ADAMTS18: variants seen among roughly 807,000 people sequenced by gnomAD.
The protein encoded by ADAMTS18 is A disintegrin and metalloproteinase with thrombospondin motifs 18.
ADAMTS18 carries 157 observed loss-of-function variants against 165.9 expected under a neutral mutation model. The ratio of observed to expected loss-of-function variants is 0.95; its 90% CI spans 0.83 to 1.08. The LOEUF (loss-of-function observed/expected upper bound fraction) is 1.08, where lower values mean the gene tolerates loss of function less well. Among genes scored for constraint, ADAMTS18 ranks in the 50% least tolerant of loss-of-function variants. ADAMTS18 has a pLI of 0.00. For missense variants in ADAMTS18, 2,040 were observed against 1,534.0 expected, an observed-to-expected ratio of 1.33 and a Z score of -5.51; for synonymous variants, 782 against 578.2, an observed-to-expected ratio of 1.35 and a Z score of -5.06.
At chr16:77,290,070 G>A (rs1246841651) in intron 21 of ADAMTS18, among the ~76,000 whole-genome samples, 1 of 151,920 alleles carries the variant, frequency 6.6e-6, no homozygotes, top group Admixed American at 6.6e-5. Context: ...ATTTTAAAAA[G>A]TTACTACATT....
intron 3 of ADAMTS18, among the ~76,000 whole-genome samples, chr16:77,378,578 G>T (rs545021861): frequency 6.6e-6 from 1 of 152,014 alleles, no homozygotes; most frequent in South Asian, 2.1e-4. Flanking sequence ...ACCCAAGCAT[G>T]GCGGTGTGAG....
Position 77,434,416 on chromosome 16 carries a change from A to G in ADAMTS18, c.178+2T>C, listed in dbSNP as rs1474254809. 6.4e-7 allele frequency: 1 copy of G among 1,568,460 alleles called. No individual in the cohort carries two copies. The highest frequency in any genetic ancestry group is 8.6e-7 in the Non-Finnish European group (1 of 1,163,428). On this transcript the variant is annotated splice_donor_variant, in intron 2 of 22. Coordinates refer to ENST00000282849, the MANE Select transcript of ADAMTS18 (RefSeq NM_199355.4). LOFTEE classifies it high-confidence loss of function. ...TCTTGGGGATGGGGGGCAAATACGA[A>G]CCATCATTTAATCCGCTGGCGCCGC...
At chr16:77,304,419 C>G (rs1204395370) in intron 16 of ADAMTS18, among the ~76,000 whole-genome samples, 2 of 152,182 alleles carry the variant, frequency 1.3e-5, no homozygotes, top group Non-Finnish European at 2.9e-5. Flanking sequence ...TATAGTCACA[C>G]CACTGCACTC....
intron 19 of ADAMTS18, among the ~76,000 whole-genome samples, chr16:77,294,579 G>A (rs1567458735): frequency 2.0e-5 from 3 of 152,000 alleles, no homozygotes; most frequent in Non-Finnish European, 2.9e-5. Context: ...ATATCTCTTC[G>A]ATGCTTCATT....
At chr16:77,364,026 AC>A in intron 5 of ADAMTS18, 141 bp from the exon 6 acceptor site, 1 of 1,263,336 alleles carries the variant, frequency 7.9e-7, no homozygotes, top group East Asian at 2.4e-5. Context: ...TCAAAACTCA[AC>A]TTAAAAAAAT....
intron 3 of ADAMTS18, among the ~76,000 whole-genome samples, chr16:77,373,860 C>T (rs1326944226): frequency 2.6e-5 from 4 of 152,152 alleles, no homozygotes; most frequent in Non-Finnish European, 5.9e-5. Flanking sequence ...TTATTGCACA[C>T]TCTGTGACAG....
chr16:77,302,885 AAT>A (rs1491098240), intron 16 of ADAMTS18, among the ~76,000 whole-genome samples: 3 of 152,190 alleles, frequency 2.0e-5, no homozygotes, highest in African/African-American at 4.8e-5. Context: ...AAGAAAAAAA[AAT>A]GTGTTTAAGA....
chr16:77,337,908 C>CTTTTTT (rs10679600), intron 11 of ADAMTS18, among the ~76,000 whole-genome samples: 271 of 140,820 alleles, frequency 1.9e-3, no homozygotes, highest in African/African-American at 6.5e-3. Flanking sequence ...CTTTTCTTTT[C>CTTTTTT]TTTTTTTTTT....
At position 77,300,419 on chromosome 16, in the gene ADAMTS18, AT is replaced by A; in HGVS notation, c.2533-16del. 8 of 1,614,016 alleles carry A rather than the reference AT, an allele frequency of 5.0e-6. No individual in the cohort carries two copies. The highest frequency in any genetic ancestry group is 6.8e-6 in the Non-Finnish European group (8 of 1,179,912). Reference sequence around the variant, plus strand: ...TGCATCAGAATCTGGACAGTGTAAGATAAAAATCAGAGATCAAGATACAGGT... The same window carrying A: ...TGCATCAGAATCTGGACAGTGTAAGAAAAAATCAGAGATCAAGATACAGGT... On this transcript the variant is annotated splice_polypyrimidine_tract_variant and intron_variant, in intron 16 of 22. Coordinates refer to ENST00000282849, the MANE Select transcript of ADAMTS18 (RefSeq NM_199355.4).
intron 3 of ADAMTS18, among the ~76,000 whole-genome samples, chr16:77,425,300 T>C (rs1202952242): frequency 1.3e-5 from 2 of 152,032 alleles, no homozygotes; most frequent in Admixed American, 6.6e-5. Context: ...AGTGACAAAA[T>C]TGGATGATGC....
At chr16:77,296,375 G>A (rs558823693) in intron 18 of ADAMTS18, among the ~76,000 whole-genome samples, 10 of 152,168 alleles carry the variant, frequency 6.6e-5, no homozygotes, top group African/African-American at 2.2e-4. Flanking sequence ...TTGCTACTGT[G>A]TAATTTTGCA....
At chr16:77,395,333 GAC>G (rs2057242630) in intron 3 of ADAMTS18, among the ~76,000 whole-genome samples, 1 of 152,144 alleles carries the variant, frequency 6.6e-6, no homozygotes, top group Admixed American at 6.5e-5. Context: ...GCCTGTCAAG[GAC>G]TCTGTTACTT....
At chr16:77,418,905 C>G (rs769071750) in intron 3 of ADAMTS18, among the ~76,000 whole-genome samples, 1 of 152,190 alleles carries the variant, frequency 6.6e-6, no homozygotes, top group African/African-American at 2.4e-5. Context: ...AATCCCGGCA[C>G]TTTGGGAGGT....
chr16:77,409,515 GTAGCTGACTCAA>G (rs1311665511), intron 3 of ADAMTS18, among the ~76,000 whole-genome samples: 1 of 152,164 alleles, frequency 6.6e-6, no homozygotes, highest in Non-Finnish European at 1.5e-5. Flanking sequence ...TCTGCTCGCA[GTAGCTGACTCAA>G]CAGCCAAGGC....
chr16:77,330,103 C>G (rs886712487), intron 12 of ADAMTS18, among the ~76,000 whole-genome samples: 5 of 152,090 alleles, frequency 3.3e-5, no homozygotes, highest in African/African-American at 1.2e-4. Flanking sequence ...TAAAAACACA[C>G]CTGGTGATTC....
intron 22 of ADAMTS18, among the ~76,000 whole-genome samples, chr16:77,285,594 T>C (rs1005464164): frequency 1.3e-5 from 2 of 152,208 alleles, no homozygotes; most frequent in African/African-American, 4.8e-5. Context: ...AAAATTCCTT[T>C]TTATACATCC....
rs773354865 is a variant in ADAMTS18, at chr16:77,325,953, C to T, written c.1945G>A (p.Asp649Asn). 6.2e-7 allele frequency: 1 copy of T among 1,614,052 alleles called. No homozygotes were observed. The change falls in exon 13 of 23, where the codon GAT becomes AAT. Residue 649 changes from aspartate (D) to asparagine (N), a missense_variant. By Grantham distance (23) the Asp-to-Asn change is conservative. Transcript: ENST00000282849. Reference sequence around the variant, plus strand: ...TCTGCACACTGTTGAGCCCGAAAATCCAAGCTATTTTCATTGCAAGGGTTA... The same window carrying T: ...TCTGCACACTGTTGAGCCCGAAAATTCAAGCTATTTTCATTGCAAGGGTTA... ...NINPCNENSLDFRAQQCAEYN... is the reference protein window; with the variant it reads ...NINPCNENSLNFRAQQCAEYN...
chr16:77,361,826 G>A (rs2056718686), intron 7 of ADAMTS18, among the ~76,000 whole-genome samples: 1 of 152,122 alleles, frequency 6.6e-6, no homozygotes, highest in Admixed American at 6.5e-5. Context: ...GGAGGTTGTA[G>A]TGAACCGAGA....
intron 3 of ADAMTS18, among the ~76,000 whole-genome samples, chr16:77,394,101 G>A (rs764298885): frequency 3.3e-5 from 5 of 152,178 alleles, no homozygotes; most frequent in Non-Finnish European, 7.3e-5. Flanking sequence ...TTGATCCCCT[G>A]GAATCCATTA....
Sources: gnomAD v4.1 joint callset for allele counts (sites outside exome capture counted in the v4.1 genomes callset) on GRCh38, gnomAD v4.1.1 for gene constraint, MANE v1.5 for transcripts, NCBI Gene and HGNC (gene_info 2026-07-23, HGNC 2026-07-21) for gene names.